The following MOGAT2 variants were observed in gnomAD, a reference collection of about 807,000 sequenced individuals.
MOGAT2 encodes the protein 2-acylglycerol O-acyltransferase 2.
MOGAT2 carries 27 observed loss-of-function variants against 31.5 expected under a neutral mutation model. The observed-to-expected ratio is 0.86, with a 90% CI of 0.63 to 1.18. The LOEUF (loss-of-function observed/expected upper bound fraction) is 1.18. Among genes scored for constraint, MOGAT2 ranks in the 50% most tolerant of loss-of-function variants. MOGAT2 has a pLI of 0.00. For missense variants in MOGAT2, 436 were observed against 433.2 expected (o/e 1.01, Z -0.06); for synonymous variants, 163 against 170.0 (o/e 0.96, Z 0.32).
chr11:75,729,443 T>G (rs1944453963), intron 5 of MOGAT2, among the ~76,000 whole-genome samples: 1 of 152,020 alleles, frequency 6.6e-6, no homozygotes, highest in Non-Finnish European at 1.5e-5. Context: ...CTCAGCTAAT[T>G]TTTGTATTTT....
chr11:75,726,671 G>A (rs1944424231), intron 2 of MOGAT2, among the ~76,000 whole-genome samples: 1 of 150,312 alleles, frequency 6.7e-6, no homozygotes, highest in African/African-American at 2.4e-5. Context: ...ATCCATAGAT[G>A]TCTCATGGAT....
rs115289625 is a variant in MOGAT2 at position 75,722,071 on chromosome 11, C to T, written c.270+1901C>T. 7.1e-3 allele frequency among the ~76,000 whole-genome samples: 1,081 copies of T among 152,280 alleles called. 9 individuals are homozygous for T. The highest frequency in any genetic ancestry group is 0.024 in the African/African-American group (1,016 of 41,546). Reference sequence around the variant, plus strand: ...ACGAAGGGTGGTAGATGTGGTAAGGCGGAACATGGTCTAGCCTGGGGGGCT... The same window carrying T: ...ACGAAGGGTGGTAGATGTGGTAAGGTGGAACATGGTCTAGCCTGGGGGGCT... On this transcript the variant is annotated intron_variant, in intron 2 of 5. Coordinates refer to ENST00000198801, the MANE Select transcript of MOGAT2 (RefSeq NM_025098.4).
At chr11:75,718,540 GC>G (rs1237081106) in intron 1 of MOGAT2, among the ~76,000 whole-genome samples, 12 of 152,160 alleles carry the variant, frequency 7.9e-5, no homozygotes, top group African/African-American at 2.9e-4. Flanking sequence ...ACCTCTCCAA[GC>G]CTCGACTTCA....
intron 2 of MOGAT2, 28 bp downstream of exon 2, chr11:75,720,198 G>C: frequency 6.3e-7 from 1 of 1,595,706 alleles, no homozygotes; most frequent in Non-Finnish European, 8.6e-7. Flanking sequence ...TTGGGGTTGG[G>C]GAGGGAGTTG....
chr11:75,718,020 C>T (rs774996090), intron 1 of MOGAT2, 41 bp downstream of exon 1: 1 of 1,580,122 alleles, frequency 6.3e-7, no homozygotes, highest in South Asian at 1.1e-5. Context: ...CCACCGCACT[C>T]AGGTGGGGCA....
Sources: allele counts gnomAD v4.1 joint callset (sites outside exome capture counted in the v4.1 genomes callset), GRCh38; gene constraint gnomAD v4.1.1; transcripts MANE v1.5; gene names NCBI Gene and HGNC (gene_info 2026-07-23, HGNC 2026-07-21).